Variants in FRMD4A observed in about 807,000 individuals in gnomAD.
The protein encoded by FRMD4A is FERM domain-containing protein 4A.
Under a neutral mutation model 129.1 loss-of-function variants are expected in FRMD4A, and 29 were observed. That is an observed-to-expected ratio of 0.22 (90% CI 0.17 to 0.31). The LOEUF is 0.31. FRMD4A is among the 10% of genes least tolerant of loss of function. The probability of loss-of-function intolerance (pLI) is 1.00; values close to 1 mark genes in which losing one functional copy is unlikely to be tolerated. For missense variants in FRMD4A, 1,272 were observed against 1,375.8 expected (o/e 0.92, Z 1.19); for synonymous variants, 634 against 571.6 (o/e 1.11, Z -1.56).
intron 1 of FRMD4A, 73 bp from the exon 2 acceptor site, chr10:14,330,256 C>T: frequency 1.4e-6 from 1 of 703,184 alleles, no homozygotes. Context: ...ACCTTTCACA[C>T]AGGGTGGGGA....
chr10:13,749,425 G>T (rs907943622), intron 8 of FRMD4A, among the ~76,000 whole-genome samples: 3 of 152,126 alleles, frequency 2.0e-5, no homozygotes, highest in African/African-American at 7.2e-5. Flanking sequence ...AAGGAATACC[G>T]CAGCCATAGA....
chr10:13,698,634 G>T (rs188887917), intron 14 of FRMD4A, among the ~76,000 whole-genome samples: 1 of 152,186 alleles, frequency 6.6e-6, no homozygotes. Flanking sequence ...GTAAAAGATG[G>T]CACGTATTTC....
At chr10:13,934,782 A>G (rs977747985) in intron 2 of FRMD4A, among the ~76,000 whole-genome samples, 1 of 152,220 alleles carries the variant, frequency 6.6e-6, no homozygotes, top group South Asian at 2.1e-4. Context: ...AAAATTCAAT[A>G]TCAGGTTATG....
At chr10:13,681,633 T>C (rs567255325) in intron 15 of FRMD4A, among the ~76,000 whole-genome samples, 2 of 152,192 alleles carry the variant, frequency 1.3e-5, no homozygotes, top group African/African-American at 2.4e-5. Context: ...ATTAGAGTAT[T>C]CTGAATATTC....
chr10:13,964,676 T>G (rs1171703473), intron 2 of FRMD4A, among the ~76,000 whole-genome samples: 4 of 13,266 alleles, frequency 3.0e-4, no homozygotes, highest in South Asian at 2.7e-3. Context: ...CTTCTTTTGT[T>G]TTTTTTTTTT....
intron 2 of FRMD4A, among the ~76,000 whole-genome samples, chr10:13,941,805 A>G (rs561554873): frequency 1.3e-5 from 2 of 152,196 alleles, no homozygotes; most frequent in Non-Finnish European, 2.9e-5. Context: ...GGATCTCTGA[A>G]TTTTGCACAA....
intron 2 of FRMD4A, among the ~76,000 whole-genome samples, chr10:13,864,855 G>C (rs1170804031): frequency 6.6e-6 from 1 of 152,150 alleles, no homozygotes; most frequent in African/African-American, 2.4e-5. Context: ...GCAATTACAG[G>C]TGTGAGCCAC....
chr10:13,696,031 C>T (rs1296832321), intron 14 of FRMD4A, among the ~76,000 whole-genome samples: 1 of 152,104 alleles, frequency 6.6e-6, no homozygotes, highest in African/African-American at 2.4e-5. Context: ...GAATTGTCTT[C>T]CTCCTCCTCC....
At chr10:14,152,608 C>T (rs934072459) in intron 2 of FRMD4A, among the ~76,000 whole-genome samples, 39 of 152,246 alleles carry the variant, frequency 2.6e-4, no homozygotes, top group African/African-American at 8.9e-4. Context: ...AAGCCGGGCG[C>T]GGTGGCTCGC....
chr10:14,174,310 CCTCT>C (rs1457774260), intron 2 of FRMD4A, among the ~76,000 whole-genome samples: 1 of 152,116 alleles, frequency 6.6e-6, no homozygotes, highest in African/African-American at 2.4e-5. Flanking sequence ...CTCTCTCCTC[CCTCT>C]CTCTTTCCAT....
At chr10:13,967,906 C>G (rs2095495120) in intron 2 of FRMD4A, among the ~76,000 whole-genome samples, 1 of 152,138 alleles carries the variant, frequency 6.6e-6, no homozygotes, top group Non-Finnish European at 1.5e-5. Context: ...ATTAGCTGGG[C>G]GTGGTGGCGC....
intron 6 of FRMD4A, among the ~76,000 whole-genome samples, chr10:13,777,739 A>C (rs985901590): frequency 1.1e-4 from 17 of 151,352 alleles, no homozygotes; most frequent in African/African-American, 4.1e-4. Context: ...ACAGTACTGA[A>C]CGCAACTCCT....
At chr10:13,704,947 A>T (rs1250238206) in intron 13 of FRMD4A, among the ~76,000 whole-genome samples, 7 of 151,348 alleles carry the variant, frequency 4.6e-5, no homozygotes, top group African/African-American at 7.3e-5. Context: ...GTGTACCTAT[A>T]GTCCCAGCTA....
Position 13,935,636 on chromosome 10 carries a change from C to T in FRMD4A, c.46-76724G>A, listed in dbSNP as rs898067994. On this transcript the variant is annotated intron_variant, in intron 2 of 24. Coordinates refer to ENST00000357447, the MANE Select transcript of FRMD4A (RefSeq NM_018027.5). The stretch of plus-strand genomic sequence containing the variant: ...TCTGATATTTATTTTTCAGTGGTGA[C>T]GTGAAGCAAGGCCAGAAAGCAGGGA... 6.6e-5 allele frequency among the ~76,000 whole-genome samples: 10 copies of T among 151,968 alleles called. No individual in the cohort carries two copies. In the East Asian group the frequency reaches 9.6e-4, roughly 15 times the overall value.
At chr10:14,185,703 G>A (rs1332497713) in intron 2 of FRMD4A, among the ~76,000 whole-genome samples, 4 of 152,156 alleles carry the variant, frequency 2.6e-5, no homozygotes, top group Admixed American at 2.6e-4. Flanking sequence ...GCTCAACAGT[G>A]GCACCTTCAG....
At chr10:13,767,243 C>A (rs971780459) in intron 6 of FRMD4A, among the ~76,000 whole-genome samples, 3 of 151,732 alleles carry the variant, frequency 2.0e-5, no homozygotes, top group Non-Finnish European at 4.4e-5. Context: ...GGTGGCTTTT[C>A]ATTTATTTTT....
At chr10:13,922,301 TA>T (rs5783362) in intron 2 of FRMD4A, among the ~76,000 whole-genome samples, 149,631 of 150,624 alleles carry the variant, frequency 0.99, 74,337 homozygotes, top group Middle Eastern at 1. Flanking sequence ...AGTGAAGAAT[TA>T]AAAAAAAAAA....
rs146106022 is a variant in FRMD4A at position 13,804,047 on chromosome 10, C to T, written c.206+6767G>A. Among the ~76,000 whole-genome samples, 1,161 of 152,324 alleles carry T rather than the reference C, an allele frequency of 7.6e-3. 11 individuals carry two copies. Among genetic ancestry groups the T allele is most frequent in the African/African-American group, 0.026 (1,082 of 41,566 alleles). ...GCACACAGAAAGAGCTATGCTCAAG[C>T]ACTTCTCTGGTCACTAAATATAAGG... is the stretch of plus-strand genomic sequence containing the variant. On this transcript the variant is annotated intron_variant, in intron 4 of 24. Transcript: ENST00000357447.
At chr10:13,831,185 C>G (rs1365568704) in intron 3 of FRMD4A, among the ~76,000 whole-genome samples, 1 of 152,202 alleles carries the variant, frequency 6.6e-6, no homozygotes, top group Non-Finnish European at 1.5e-5. Context: ...CTTCTACAGT[C>G]CCTGTGGAGT....
Sources: allele counts gnomAD v4.1 joint callset (sites outside exome capture counted in the v4.1 genomes callset), GRCh38; gene constraint gnomAD v4.1.1; transcripts MANE v1.5; gene names NCBI Gene and HGNC (gene_info 2026-07-23, HGNC 2026-07-21).